Variants in MAP7 observed in about 807,000 individuals in gnomAD.
The protein encoded by MAP7 is ensconsin.
Under a neutral mutation model 94.8 loss-of-function variants are expected in MAP7, and 52 were observed. The ratio of observed to expected loss-of-function variants is 0.55; its 90% CI spans 0.44 to 0.69. The LOEUF is 0.69. MAP7 is among the 30% of genes least tolerant of loss of function. The pLI is 0.00. For synonymous variants in MAP7, 350 were observed against 357.0 expected (o/e 0.98, Z 0.22); for missense variants, 940 against 964.6 (o/e 0.97, Z 0.34).
intron 1 of MAP7, among the ~76,000 whole-genome samples, chr6:136,442,590 C>T (rs1303810469): frequency 6.6e-6 from 1 of 152,126 alleles, no homozygotes; most frequent in Admixed American, 6.6e-5. Context: ...TTAGGCTCAG[C>T]TGTGTATTTT....
At chr6:136,446,849 C>T (rs947457417) in intron 1 of MAP7, among the ~76,000 whole-genome samples, 51 of 152,196 alleles carry the variant, frequency 3.4e-4, no homozygotes, top group African/African-American at 1.1e-3. Flanking sequence ...TACATTGAGG[C>T]TCAGTCTGTT....
intron 1 of MAP7, among the ~76,000 whole-genome samples, chr6:136,486,903 G>T (rs1204607794): frequency 6.6e-6 from 1 of 152,038 alleles, no homozygotes; most frequent in Non-Finnish European, 1.5e-5. Context: ...TTTGACAAAA[G>T]GTAAGTAAAC....
At chr6:136,506,752 T>C (rs1211126041) in intron 1 of MAP7, among the ~76,000 whole-genome samples, 6 of 152,218 alleles carry the variant, frequency 3.9e-5, no homozygotes, top group African/African-American at 1.4e-4. Flanking sequence ...GACTTCGTTC[T>C]ATATTTGAGT....
rs115811012 is a variant in MAP7, at chr6:136,484,857, T to A, written c.68-63058A>T. Among the ~76,000 whole-genome samples, 1,129 of 152,162 alleles carry A rather than the reference T, an allele frequency of 7.4e-3. 13 individuals are homozygous for A. The highest frequency in any genetic ancestry group is 0.026 in the African/African-American group (1,080 of 41,504). On this transcript the variant is annotated intron_variant, in intron 1 of 17. Coordinates refer to ENST00000354570, the MANE Select transcript of MAP7 (RefSeq NM_003980.6). Reference sequence around the variant, plus strand: ...ATTACAGACAAGTACCAGGCTAGGTTAATTTTTATCTTTTTTTTGTAGAGC... The same window carrying A: ...ATTACAGACAAGTACCAGGCTAGGTAAATTTTTATCTTTTTTTTGTAGAGC...
At chr6:136,414,067 G>A (rs1189119149) in intron 2 of MAP7, among the ~76,000 whole-genome samples, 1 of 151,280 alleles carries the variant, frequency 6.6e-6, no homozygotes, top group Non-Finnish European at 1.5e-5. Context: ...GGCTAACAAG[G>A]TGAAACCCCG....
At chr6:136,527,898 T>C (rs994858287) in intron 1 of MAP7, among the ~76,000 whole-genome samples, 5 of 152,210 alleles carry the variant, frequency 3.3e-5, no homozygotes, top group African/African-American at 1.2e-4. Context: ...TTAATTAAGT[T>C]CACATGTATT....
intron 1 of MAP7, among the ~76,000 whole-genome samples, chr6:136,452,767 G>A (rs1801581486): frequency 6.6e-6 from 1 of 152,096 alleles, no homozygotes; most frequent in Non-Finnish European, 1.5e-5. Context: ...TGGCCAGGCT[G>A]GTCTCGAACT....
intron 1 of MAP7, among the ~76,000 whole-genome samples, chr6:136,423,791 T>C (rs1423933489): frequency 7.1e-6 from 1 of 141,424 alleles, no homozygotes; most frequent in Non-Finnish European, 1.5e-5. Flanking sequence ...TGTTTTTTTT[T>C]TTTGTTTTTT....
intron 6 of MAP7, among the ~76,000 whole-genome samples, chr6:136,379,982 G>A (rs1482549524): frequency 6.6e-6 from 1 of 152,182 alleles, no homozygotes; most frequent in Non-Finnish European, 1.5e-5. Context: ...TAATAAAGGA[G>A]AATTGGTGCA....
chr6:136,361,052 C>T lies in MAP7; in HGVS notation c.1654G>A (p.Glu552Lys). Residue 552 changes from glutamate to lysine, a missense_variant, in exon 12 of 18, where the codon GAG becomes AAG. Coordinates refer to ENST00000354570, the MANE Select transcript of MAP7 (RefSeq NM_003980.6). Reference sequence around the variant, plus strand: ...TCCTCCCGCTCGCGCAGCGCCCGCTCCTCCGCCTGCCGCTGCAGCTGCTCC... The same window carrying T: ...TCCTCCCGCTCGCGCAGCGCCCGCTTCTCCGCCTGCCGCTGCAGCTGCTCC... ...KEEQLQRQAE[E>K]RALREREEAE... 1 of 1,591,866 alleles carries T rather than the reference C, an allele frequency of 6.3e-7. No homozygotes were observed. The highest frequency in any genetic ancestry group is 8.5e-7 in the Non-Finnish European group (1 of 1,174,974).
At chr6:136,531,930 A>G (rs1828502350) in intron 1 of MAP7, among the ~76,000 whole-genome samples, 1 of 152,170 alleles carries the variant, frequency 6.6e-6, no homozygotes, top group Non-Finnish European at 1.5e-5. Flanking sequence ...TAAGAGATGG[A>G]TAGACTCAGG....
At chr6:136,505,250 A>G (rs1821038452) in intron 1 of MAP7, among the ~76,000 whole-genome samples, 1 of 87,696 alleles carries the variant, frequency 1.1e-5, no homozygotes, top group South Asian at 5.8e-4. Context: ...ATTTCCATGT[A>G]ATGTGTGTGT....
rs563970919 is a variant in MAP7 at position 136,349,840 on chromosome 6, G to A, written c.2016-3761C>T. Among the ~76,000 whole-genome samples the A allele has an allele frequency of 3.3e-5, 5 of 152,210 alleles. No individual in the cohort carries two copies. In the South Asian group the frequency reaches 1.0e-3, roughly 32 times the overall value. ...GGCGTCTCACTCAGGAGTAAGGTGA[G>A]GAGTAGGGTTCAGGATACTTCTGGT... is the stretch of plus-strand genomic sequence containing the variant. On this transcript the variant is annotated intron_variant, in intron 16 of 17. Coordinates refer to ENST00000354570, the MANE Select transcript of MAP7 (RefSeq NM_003980.6).
intron 1 of MAP7, among the ~76,000 whole-genome samples, chr6:136,521,601 C>G (rs568723257): frequency 6.6e-6 from 1 of 152,144 alleles, no homozygotes; most frequent in Non-Finnish European, 1.5e-5. Context: ...GGTCAGGAGG[C>G]CATTACAAAG....
In MAP7 at chr6:136,361,086, C is replaced by T. The variant is rs765576865; in HGVS notation, c.1620G>A (p.Arg540=). ...GCCGCTGCAGCTGCTCCTCCTTCTC[C>T]CGGGCCTGCTCGGCTTCCAGCCTGC... ...ESRRLEAEQA[R]EKEEQLQRQA... is the part of the protein sequence containing the mutation. The change falls in exon 12 of 18, where the codon CGG becomes CGA. Residue 540 remains arginine, a synonymous_variant. Transcript: ENST00000354570. 9 of 1,604,088 alleles carry T rather than the reference C, an allele frequency of 5.6e-6. No individual in the cohort carries two copies. Among genetic ancestry groups the T allele is most frequent in the South Asian group, 5.5e-5 (5 of 90,900 alleles).
intron 4 of MAP7, 136 bp downstream of exon 4, chr6:136,389,218 T>G: frequency 7.3e-7 from 1 of 1,366,086 alleles, no homozygotes; most frequent in Admixed American, 2.8e-5. Flanking sequence ...CCCTAGAAAC[T>G]GTAGCCATCT....
At chr6:136,432,011 G>C (rs1050306386) in intron 1 of MAP7, among the ~76,000 whole-genome samples, 1 of 152,168 alleles carries the variant, frequency 6.6e-6, no homozygotes. Flanking sequence ...GCTTAAGGCA[G>C]AGCATCTATC....
At chr6:136,389,328 CAT>C in intron 4 of MAP7, 24 bp downstream of exon 4, 3 of 1,519,226 alleles carry the variant, frequency 2.0e-6, no homozygotes, top group Admixed American at 2.3e-5. Flanking sequence ...AGGAGCCACT[CAT>C]ATTCTTCCCG....
intron 1 of MAP7, among the ~76,000 whole-genome samples, chr6:136,491,382 C>G (rs948094345): frequency 5.9e-5 from 9 of 152,158 alleles, no homozygotes; most frequent in African/African-American, 2.2e-4. Context: ...CAGATGACAA[C>G]CAGCAAGCCT....
Sources: gnomAD v4.1 joint callset for allele counts (sites outside exome capture counted in the v4.1 genomes callset) on GRCh38, gnomAD v4.1.1 for gene constraint, MANE v1.5 for transcripts, NCBI Gene and HGNC (gene_info 2026-07-23, HGNC 2026-07-21) for gene names.